The following RANBP2 variants were observed in gnomAD, a reference collection of about 807,000 sequenced individuals.
RANBP2 encodes RAN binding protein 2.
A neutral mutation model predicts 303.6 loss-of-function variants in RANBP2; 57 were observed. That is an observed-to-expected ratio of 0.19 (90% CI 0.15 to 0.23). The LOEUF (loss-of-function observed/expected upper bound fraction) is 0.23. RANBP2 is among the 10% of genes least tolerant of loss of function. RANBP2 has a pLI of 1.00. For missense variants in RANBP2, 3,138 were observed against 3,780.8 expected, an observed-to-expected ratio of 0.83 and a Z score of 4.46; for synonymous variants, 1,167 against 1,301.5, an observed-to-expected ratio of 0.90 and a Z score of 2.23.
At chr2:109,264,552 G>A in the RANBP2 span, among the ~76,000 whole-genome samples, 2 of 152,278 alleles carry the variant, frequency 1.3e-5, no homozygotes, top group African/African-American at 4.8e-5. Context: ...GCCAAAGCCA[G>A]GCTTTTTGTA....
intron 11 of RANBP2, 72 bp downstream of exon 11, chr2:108,751,775 A>G (rs1675904753): frequency 6.2e-7 from 1 of 1,611,804 alleles, no homozygotes; most frequent in African/African-American, 1.3e-5. Flanking sequence ...CCTCATGTGA[A>G]GATTTAATTT....
chr2:109,320,221 C>T, the RANBP2 span, among the ~76,000 whole-genome samples: 1 of 152,148 alleles, frequency 6.6e-6, no homozygotes, highest in Admixed American at 6.5e-5. Flanking sequence ...GACTCTAATT[C>T]CATTTTTGAG....
chr2:108,811,235 C>T, the RANBP2 span, among the ~76,000 whole-genome samples: 1 of 68,574 alleles, frequency 1.5e-5, no homozygotes, highest in Admixed American at 1.8e-4. Context: ...CCTTTTCTTT[C>T]TTTCTCTCTC....
At chr2:109,043,389 C>T in the RANBP2 span, among the ~76,000 whole-genome samples, 1 of 152,082 alleles carries the variant, frequency 6.6e-6, no homozygotes, top group Admixed American at 6.5e-5. Flanking sequence ...GTCCCCCAGG[C>T]TGGAGTGCAG....
At chr2:109,584,374 C>T in the RANBP2 span, among the ~76,000 whole-genome samples, 1 of 147,028 alleles carries the variant, frequency 6.8e-6, no homozygotes, top group East Asian at 2.0e-4. Flanking sequence ...ACTCGGGAGG[C>T]TGAGGCAGGA....
the RANBP2 span, among the ~76,000 whole-genome samples, chr2:109,434,333 G>A: frequency 2.6e-5 from 4 of 152,240 alleles, no homozygotes; most frequent in African/African-American, 9.6e-5. Context: ...CAGCTTCTGA[G>A]GGAGGCCATC....
chr2:109,590,159 G>T, the RANBP2 span, among the ~76,000 whole-genome samples: 1 of 151,544 alleles, frequency 6.6e-6, no homozygotes, highest in African/African-American at 2.4e-5. Flanking sequence ...GGTAATGACA[G>T]ACTATTGAGA....
chr2:109,532,487 C>T, the RANBP2 span, among the ~76,000 whole-genome samples: 1 of 152,070 alleles, frequency 6.6e-6, no homozygotes, highest in South Asian at 2.1e-4. Context: ...TGCGTGGGTG[C>T]CCCCACCTGT....
the RANBP2 span, among the ~76,000 whole-genome samples, chr2:108,881,385 G>A: frequency 1.3e-5 from 2 of 152,208 alleles, no homozygotes; most frequent in South Asian, 2.1e-4. Flanking sequence ...TTGGCTTAAA[G>A]GAATATTGTG....
the RANBP2 span, among the ~76,000 whole-genome samples, chr2:108,835,965 A>C: frequency 3.3e-5 from 5 of 152,180 alleles, no homozygotes; most frequent in Non-Finnish European, 7.3e-5. Flanking sequence ...AGGGTGGAAG[A>C]GCAGGAGAAA....
At chr2:109,321,779 G>A in the RANBP2 span, among the ~76,000 whole-genome samples, 1 of 152,202 alleles carries the variant, frequency 6.6e-6, no homozygotes, top group Non-Finnish European at 1.5e-5. Flanking sequence ...TATTCTGCTA[G>A]AGAGATGTGT....
At chr2:109,471,735 AC>A in the RANBP2 span, among the ~76,000 whole-genome samples, 1 of 152,108 alleles carries the variant, frequency 6.6e-6, no homozygotes, top group Non-Finnish European at 1.5e-5. Flanking sequence ...AGCCTCACAT[AC>A]CTAATAAGAC....
Position 108,719,570 on chromosome 2 carries a change from T to G in RANBP2, c.-37T>G. ...TGGCGACTGCTGCGGGCCTGAGCGC[T>G]GGTCTCACGCGCCTCGGGAGCCAGG... On this transcript the variant is annotated 5_prime_UTR_variant, in exon 1 of 29. Transcript: ENST00000283195. 1 of 1,586,702 alleles carries G rather than the reference T, an allele frequency of 6.3e-7. No individual in the cohort carries two copies. Among genetic ancestry groups the G allele is most frequent in the Non-Finnish European group, 8.6e-7 (1 of 1,168,404 alleles).
chr2:109,316,293 G>A, the RANBP2 span, among the ~76,000 whole-genome samples: 1 of 152,142 alleles, frequency 6.6e-6, no homozygotes, highest in South Asian at 2.1e-4. Context: ...CAGGAGGCTG[G>A]GTGGATGCTG....
the RANBP2 span, among the ~76,000 whole-genome samples, chr2:109,093,406 TAAA>T: frequency 1.1e-5 from 1 of 90,718 alleles, no homozygotes; most frequent in Admixed American, 1.3e-4. Flanking sequence ...CGGAGATTTG[TAAA>T]AAAAAAAAAA....
chr2:109,632,806 G>A, the RANBP2 span, among the ~76,000 whole-genome samples: 4 of 150,080 alleles, frequency 2.7e-5, no homozygotes, highest in East Asian at 5.9e-4. Context: ...GCAACAGAGC[G>A]AGACTCTGTC....
the RANBP2 span, among the ~76,000 whole-genome samples, chr2:109,277,483 A>C: frequency 6.6e-6 from 1 of 152,218 alleles, no homozygotes; most frequent in Non-Finnish European, 1.5e-5. Flanking sequence ...CTGCTAGGAC[A>C]TTGGGCAGCT....
chr2:109,588,858 A>C, the RANBP2 span, among the ~76,000 whole-genome samples: 4 of 151,132 alleles, frequency 2.6e-5, no homozygotes, highest in African/African-American at 9.8e-5. Flanking sequence ...ATTAAAAAAA[A>C]AAAAAAAAAA....
chr2:108,929,334 A>T, the RANBP2 span: 1 of 1,614,122 alleles, frequency 6.2e-7, no homozygotes, highest in Non-Finnish European at 8.5e-7. Context: ...TCCGCCGGGC[A>T]GGGGACGCAG....
Sources: allele counts gnomAD v4.1 joint callset (sites outside exome capture counted in the v4.1 genomes callset), GRCh38; gene constraint gnomAD v4.1.1; transcripts MANE v1.5; gene names NCBI Gene and HGNC (gene_info 2026-07-23, HGNC 2026-07-21).